FBN2: variants seen among roughly 807,000 people sequenced by gnomAD.
FBN2 encodes the protein fibrillin-2.
A neutral mutation model predicts 355.6 loss-of-function variants in FBN2; 105 were observed. The ratio of observed to expected loss-of-function variants is 0.30; its 90% CI spans 0.25 to 0.35. The LOEUF is 0.35. FBN2 is among the 10% of genes least tolerant of loss of function. The pLI, the probability that FBN2 is intolerant of heterozygous loss-of-function variation, is 1.00. For synonymous variants in FBN2, 1,350 were observed against 1,301.2 expected (o/e 1.04, Z -0.81); for missense variants, 3,280 against 3,758.7 (o/e 0.87, Z 3.33).
chr5:128,357,289 T>C lies in FBN2; in HGVS notation c.2661A>G (p.Gly887=), dbSNP rs774598529. The change falls in exon 20 of 65, where the codon GGA becomes GGG. Residue 887 remains glycine, a synonymous_variant. Coordinates refer to ENST00000262464, the MANE Select transcript of FBN2 (RefSeq NM_001999.4). The part of the protein sequence containing the change: ...CSPGSKLSST[G]LICIDSLKGT... ...TATGAATCTTACCAATACAGATCAA[T>C]CCTGTGGAGCTGAGTTTGCTGCCGG... 2 of 1,613,824 alleles carry C rather than the reference T, an allele frequency of 1.2e-6. No individual in the cohort carries two copies. Among genetic ancestry groups the C allele is most frequent in the African/African-American group, 2.7e-5 (2 of 74,926 alleles).
Position 128,259,680 on chromosome 5 carries a change from T to C in FBN2, c.8514A>G (p.Gln2838=). Reference sequence around the variant, plus strand: ...TGCGGAAGACGCTGTCATCGTTCCCTTGAGAGATGACATAACGGATGTGGT... The same window carrying C: ...TGCGGAAGACGCTGTCATCGTTCCCCTGAGAGATGACATAACGGATGTGGT... ...LNNHIRYVIS[Q]GNDDSVFRIH... The change falls in exon 65 of 65, where the codon CAA becomes CAG. Residue 2838 remains glutamine, a synonymous_variant. Transcript: ENST00000262464. 3 of 1,614,028 alleles carry C rather than the reference T, an allele frequency of 1.9e-6. No homozygotes were observed. Among genetic ancestry groups the C allele is most frequent in the Non-Finnish European group, 2.5e-6 (3 of 1,179,994 alleles).
intron 11 of FBN2, among the ~76,000 whole-genome samples, chr5:128,382,469 A>G (rs1306116200): frequency 2.0e-5 from 3 of 152,074 alleles, no homozygotes; most frequent in Non-Finnish European, 4.4e-5. Context: ...CTTGGGACAC[A>G]GTATTCATCC....
At chr5:128,512,071 T>C (rs1398230041) in intron 5 of FBN2, among the ~76,000 whole-genome samples, 4 of 152,136 alleles carry the variant, frequency 2.6e-5, no homozygotes, top group African/African-American at 4.8e-5. Flanking sequence ...AAGGTCATAA[T>C]AATGATATAC....
At chr5:128,468,109 C>T (rs1754762247) in intron 5 of FBN2, among the ~76,000 whole-genome samples, 1 of 152,136 alleles carries the variant, frequency 6.6e-6, no homozygotes, top group African/African-American at 2.4e-5. Context: ...CATTCCCTGT[C>T]CCAGCCTCAG....
At chr5:128,297,360 G>A (rs1033337686) in intron 48 of FBN2, among the ~76,000 whole-genome samples, 6 of 152,122 alleles carry the variant, frequency 3.9e-5, no homozygotes, top group African/African-American at 1.2e-4. Flanking sequence ...GGTCCGCTTG[G>A]TGCAGAGCTG....
chr5:128,286,407 C>A (rs1490377789), intron 55 of FBN2, among the ~76,000 whole-genome samples: 1 of 152,140 alleles, frequency 6.6e-6, no homozygotes, highest in Non-Finnish European at 1.5e-5. Flanking sequence ...TTAGGGTTTA[C>A]CTTTTTCAAT....
In FBN2 at chr5:128,278,812, C is replaced by A. The variant is rs768193630; in HGVS notation, c.7168G>T (p.Val2390Leu). ...GCCATTTGACATATTGTCTGCAGTA[C>A]CTCTGCAAAGCAGAGACCCTGTCGA... ...DNRQGLCFAE[V>L]LQTICQMASS... Residue 2390 changes from valine (V) to leucine (L), a missense_variant, in exon 57 of 65, where the codon GTA (valine) becomes TTA (leucine). Physicochemically the swap from Val to Leu is conservative, Grantham distance 32. Coordinates refer to ENST00000262464, the MANE Select transcript of FBN2 (RefSeq NM_001999.4). 9.3e-6 allele frequency: 15 copies of A among 1,613,820 alleles called. No individual in the cohort carries two copies. The South Asian group carries it at 1.6e-4, about 18-fold the overall frequency.
chr5:128,293,831 T>TTTAA (rs968328695), intron 48 of FBN2, among the ~76,000 whole-genome samples: 3 of 151,142 alleles, frequency 2.0e-5, no homozygotes, highest in Non-Finnish European at 4.4e-5. Context: ...TTTTCTTTTT[T>TTTAA]TTAATTAATT....
Position 128,336,029 on chromosome 5 carries a change from T to C in FBN2, c.3683A>G (p.Asn1228Ser), listed in dbSNP as rs773150951. 5.0e-6 allele frequency: 8 copies of C among 1,613,922 alleles called. 1 individual carries two copies. In the African/African-American group the frequency reaches 8.0e-5, roughly 16 times the overall value. ...NMIGTYQCSCNPGYQATPDRQ... is the reference protein window; with the variant it reads ...NMIGTYQCSCSPGYQATPDRQ... The stretch of plus-strand genomic sequence containing the variant: ...GTCTGGCGTAGCCTGATATCCAGGA[T>C]TGCAAGAGCACTGATAGGTTCCAAT... Residue 1228 changes from asparagine (N) to serine (S), a missense_variant, in exon 28 of 65, where the codon AAT becomes AGT. Around this residue, in one of 6 missense-constraint regions of FBN2, gnomAD observed 2,284 missense variants for 2,749.5 expected, o/e 0.83. Coordinates refer to ENST00000262464, the MANE Select transcript of FBN2 (RefSeq NM_001999.4).
chr5:128,326,348 T>C (rs1750547227), intron 34 of FBN2, among the ~76,000 whole-genome samples: 1 of 152,182 alleles, frequency 6.6e-6, no homozygotes, highest in South Asian at 2.1e-4. Context: ...TTGATGAACT[T>C]AGCCTTTGCT....
rs142682947 is a variant in FBN2 at position 128,414,897 on chromosome 5, G to A, written c.953-6098C>T. Among the ~76,000 whole-genome samples, 737 of 152,006 alleles carry A rather than the reference G, an allele frequency of 4.8e-3. 5 individuals are homozygous for A. The highest frequency in any genetic ancestry group is 0.022 in the South Asian group (105 of 4,808). ...TTAATAATGATGAGCATATTTTCAT[G>A]TCCTTATTTGCCGTTTGCGTATTGT... On this transcript the variant is annotated intron_variant, in intron 7 of 64. Coordinates refer to ENST00000262464, the MANE Select transcript of FBN2 (RefSeq NM_001999.4).
intron 33 of FBN2, 96 bp downstream of exon 33, chr5:128,330,477 T>C: frequency 7.5e-7 from 1 of 1,341,730 alleles, no homozygotes; most frequent in Non-Finnish European, 1.1e-6. Flanking sequence ...AGGTAGTTAC[T>C]TTTGTCTCCT....
At chr5:128,389,714 G>T (rs1006139968) in intron 11 of FBN2, among the ~76,000 whole-genome samples, 1 of 152,216 alleles carries the variant, frequency 6.6e-6, no homozygotes, top group Non-Finnish European at 1.5e-5. Context: ...CATGGAGGTT[G>T]TAAGATCTTC....
chr5:128,434,873 G>A (rs1323719832), intron 7 of FBN2, among the ~76,000 whole-genome samples: 1 of 152,028 alleles, frequency 6.6e-6, no homozygotes, highest in Non-Finnish European at 1.5e-5. Context: ...CTTTCATTCA[G>A]GGTAGAATAG....
chr5:128,434,716 T>C (rs1274502011), intron 7 of FBN2, among the ~76,000 whole-genome samples: 1 of 152,012 alleles, frequency 6.6e-6, no homozygotes. Flanking sequence ...GCCTGAATTA[T>C]TGTTTTTTCA....
chr5:128,413,426 C>T lies in FBN2; in HGVS notation c.953-4627G>A, dbSNP rs1753119561. 3.3e-5 allele frequency among the ~76,000 whole-genome samples: 5 copies of T among 152,184 alleles called. No individual in the cohort carries two copies. In the South Asian group the frequency reaches 6.2e-4, roughly 19 times the overall value. ...AACACTGTGAAAACAGGGGGATTGT[C>T]AAGTGTGACTTCAAAGGGCAAAAAA... On this transcript the variant is annotated intron_variant, in intron 7 of 64. Transcript: ENST00000262464.
At chr5:128,386,018 T>G (rs1752357906) in intron 11 of FBN2, among the ~76,000 whole-genome samples, 1 of 152,170 alleles carries the variant, frequency 6.6e-6, no homozygotes, top group African/African-American at 2.4e-5. Context: ...AGAAGCTCTT[T>G]AGTTTAATTG....
chr5:128,416,913 T>G (rs888954362), intron 7 of FBN2, among the ~76,000 whole-genome samples: 14 of 152,302 alleles, frequency 9.2e-5, no homozygotes, highest in Non-Finnish European at 1.9e-4. Flanking sequence ...TTGATAGGGA[T>G]TGCACTGAAT....
At chr5:128,333,163 T>A in intron 31 of FBN2, 129 bp from the exon 32 acceptor site, 1 of 793,706 alleles carries the variant, frequency 1.3e-6, no homozygotes, top group Non-Finnish European at 2.1e-6. Flanking sequence ...GTAGCCTAAC[T>A]AACTTTTATT....
Sources: gnomAD v4.1 joint callset for allele counts (sites outside exome capture counted in the v4.1 genomes callset) on GRCh38, gnomAD v4.1.1 for gene constraint, gnomAD v4.1.1 regional missense constraint, MANE v1.5 for transcripts, NCBI Gene and HGNC (gene_info 2026-07-23, HGNC 2026-07-21) for gene names.